MFSD11: variants seen among roughly 807,000 people sequenced by gnomAD.
The protein encoded by MFSD11 is UNC93-like protein MFSD11.
Under a neutral mutation model 53.5 loss-of-function variants are expected in MFSD11, and 36 were observed. That is an observed-to-expected ratio of 0.67 (90% confidence interval 0.52 to 0.89). MFSD11 has a LOEUF of 0.89. Among genes scored for constraint, MFSD11 ranks in the 40% least tolerant of loss-of-function variants. The pLI is 0.00. For synonymous variants in MFSD11, 186 were observed against 184.9 expected (o/e 1.01, Z -0.05); for missense variants, 530 against 543.9 (o/e 0.97, Z 0.25).
chr17:76,803,184 CAAA>C, the MFSD11 span, among the ~76,000 whole-genome samples: 1 of 150,412 alleles, frequency 6.6e-6, no homozygotes. Flanking sequence ...ACAAAACAAA[CAAA>C]AAAAAACCCA....
chr17:76,775,442 A>C (rs2081737535), intron 11 of MFSD11, among the ~76,000 whole-genome samples: 1 of 152,102 alleles, frequency 6.6e-6, no homozygotes, highest in Admixed American at 6.6e-5. Flanking sequence ...TGAATTTTTT[A>C]TCTCTGCTTC....
At chr17:76,764,859 C>T (rs962301075) in intron 8 of MFSD11, among the ~76,000 whole-genome samples, 5 of 152,094 alleles carry the variant, frequency 3.3e-5, no homozygotes, top group African/African-American at 9.7e-5. Flanking sequence ...TTTCCATGTT[C>T]GCTGTACCAA....
chr17:76,784,242 A>T (rs563211494), downstream of MFSD11, among the ~76,000 whole-genome samples: 14 of 152,232 alleles, frequency 9.2e-5, no homozygotes, highest in Non-Finnish European at 1.6e-4. Context: ...TCCATAGAAG[A>T]ATGGATAAAC....
At chr17:76,767,532 A>C in intron 9 of MFSD11, 81 bp downstream of exon 9, 77 of 887,690 alleles carry the variant, frequency 8.7e-5, no homozygotes, top group Non-Finnish European at 1.3e-4. Flanking sequence ...ATTATTTCTC[A>C]CAATTCTGTG....
intron 2 of MFSD11, among the ~76,000 whole-genome samples, chr17:76,739,687 C>A (rs2144048313): frequency 6.6e-6 from 1 of 152,238 alleles, no homozygotes; most frequent in Middle Eastern, 3.4e-3. Flanking sequence ...TTCTTAATTT[C>A]TCTAGAGTTA....
At chr17:76,739,505 C>G (rs920710531) in intron 2 of MFSD11, among the ~76,000 whole-genome samples, 1 of 152,176 alleles carries the variant, frequency 6.6e-6, no homozygotes, top group African/African-American at 2.4e-5. Context: ...TCACTAGAAC[C>G]TTGTGATTGG....
the MFSD11 span, among the ~76,000 whole-genome samples, chr17:76,790,695 C>A: frequency 6.8e-6 from 1 of 147,288 alleles, no homozygotes; most frequent in Non-Finnish European, 1.5e-5. Context: ...TGGTGGCTCA[C>A]GCCTATAATC....
In MFSD11 at chr17:76,751,061, A is replaced by G. The variant is rs573310647; in HGVS notation, c.642-2986A>G. Among the ~76,000 whole-genome samples the G allele has an allele frequency of 5.3e-5, 8 of 150,784 alleles. No homozygotes were observed. The East Asian group carries it at 1.6e-3, about 31-fold the overall frequency. The stretch of plus-strand genomic sequence containing the variant: ...AGTGATCCACCCGCCTTGGCCTCCC[A>G]GAGTGCTGGGATTACAGGATAGAAA... On this transcript the variant is annotated intron_variant, in intron 7 of 12. Coordinates refer to ENST00000685175, the MANE Select transcript of MFSD11 (RefSeq NM_001242532.5).
At chr17:76,755,710 G>GTGTATATGTATATATA (rs2079492657) in intron 8 of MFSD11, among the ~76,000 whole-genome samples, 1 of 138,840 alleles carries the variant, frequency 7.2e-6, no homozygotes, top group African/African-American at 2.6e-5. Context: ...ATATATATAT[G>GTGTATATGTATATATA]TGTATATATA....
rs749299900 is a variant in MFSD11, at chr17:76,743,503, TA to T, written c.496+48del. On this transcript the variant is annotated intron_variant, in intron 6 of 12. Transcript: ENST00000685175. The stretch of plus-strand genomic sequence containing the variant: ...TTATTCAGATATGTTCAAAGCATAA[TA>T]GGAGTTATATAGAAATACCCATTAT... The T allele has an allele frequency of 1.7e-5, 21 of 1,244,878 alleles. No individual in the cohort carries two copies. In the Admixed American group the frequency reaches 2.4e-4, roughly 14 times the overall value. 77.1% of individuals were successfully genotyped at this position (1,244,878 alleles called of 1,614,324 possible). A position where few individuals can be genotyped will look rare whatever the true frequency, so the allele number is the denominator to read the frequency against.
At chr17:76,803,638 A>G in the MFSD11 span, among the ~76,000 whole-genome samples, 1 of 152,022 alleles carries the variant, frequency 6.6e-6, no homozygotes, top group South Asian at 2.1e-4. Flanking sequence ...CTCCAGCACA[A>G]AAGGACAGCT....
At chr17:76,753,592 G>C (rs765894867) in intron 7 of MFSD11, among the ~76,000 whole-genome samples, 3 of 151,554 alleles carry the variant, frequency 2.0e-5, no homozygotes, top group Non-Finnish European at 2.9e-5. Flanking sequence ...AGGATGGCTG[G>C]TGGGAGGATC....
Position 76,747,249 on chromosome 17 carries a change from C to CA in MFSD11, c.641+2784dup, listed in dbSNP as rs763954091. Among the ~76,000 whole-genome samples the CA allele has an allele frequency of 3.0e-4, 45 of 152,042 alleles. 1 individual carries two copies. Among genetic ancestry groups the CA allele is most frequent in the Non-Finnish European group, 6.2e-4 (42 of 68,024 alleles). On this transcript the variant is annotated intron_variant, in intron 7 of 12. Transcript: ENST00000685175. Reference sequence around the variant, plus strand: ...GTGCCTGGGGCTGGGTACAGTGGCTCACGCCTGTAATCCCAGCACTTTGGG... The same window carrying CA: ...GTGCCTGGGGCTGGGTACAGTGGCTCAACGCCTGTAATCCCAGCACTTTGGG...
intron 7 of MFSD11, among the ~76,000 whole-genome samples, chr17:76,752,584 T>G (rs565010946): frequency 6.6e-6 from 1 of 152,270 alleles, no homozygotes; most frequent in Admixed American, 6.5e-5. Context: ...TTTCGCCATG[T>G]TGGCCAGGCT....
chr17:76,751,994 A>G lies in MFSD11; in HGVS notation c.642-2053A>G, dbSNP rs114886244. The stretch of plus-strand genomic sequence containing the variant: ...CAGCCATGTCACAAGGAGGGCATTC[A>G]TGATTCTGAAGAGTGTTATTGAATA... On this transcript the variant is annotated intron_variant, in intron 7 of 12. Transcript: ENST00000685175. 3.4e-3 allele frequency among the ~76,000 whole-genome samples: 518 copies of G among 152,336 alleles called. 4 individuals are homozygous for G. Among genetic ancestry groups the G allele is most frequent in the African/African-American group, 0.011 (474 of 41,566 alleles).
At chr17:76,802,737 G>A in the MFSD11 span, among the ~76,000 whole-genome samples, 4 of 152,056 alleles carry the variant, frequency 2.6e-5, no homozygotes, top group African/African-American at 4.8e-5. Context: ...AAATTAGCTG[G>A]GCATGGTGGC....
chr17:76,755,730 G>GTA (rs1226204510), intron 8 of MFSD11, among the ~76,000 whole-genome samples: 3 of 122,936 alleles, frequency 2.4e-5, no homozygotes, highest in Non-Finnish European at 3.4e-5. Flanking sequence ...ATGTGTATAT[G>GTA]TATATATATG....
chr17:76,767,921 A>T (rs969578125), intron 9 of MFSD11, among the ~76,000 whole-genome samples: 3 of 152,196 alleles, frequency 2.0e-5, no homozygotes, highest in Non-Finnish European at 2.9e-5. Context: ...AAAAACCAGG[A>T]CACGTGGCTC....
At chr17:76,762,769 G>A (rs928957385) in intron 8 of MFSD11, among the ~76,000 whole-genome samples, 2 of 151,694 alleles carry the variant, frequency 1.3e-5, no homozygotes, top group African/African-American at 2.4e-5. Flanking sequence ...AATTGACATC[G>A]TGGACTTCCC....
Sources: allele counts gnomAD v4.1 joint callset (sites outside exome capture counted in the v4.1 genomes callset), GRCh38; gene constraint gnomAD v4.1.1; transcripts MANE v1.5; gene names NCBI Gene and HGNC (gene_info 2026-07-23, HGNC 2026-07-21).